The following RASA4B variants were observed in gnomAD, a reference collection of about 807,000 sequenced individuals.
RASA4B encodes RAS p21 protein activator 4B.
A neutral mutation model predicts 24.2 loss-of-function variants in RASA4B; 2 were observed. That is an observed-to-expected ratio of 0.08 (90% confidence interval 0.03 to 0.26). The LOEUF (loss-of-function observed/expected upper bound fraction) is 0.26, where lower values mean the gene tolerates loss of function less well. Among genes scored for constraint, RASA4B ranks in the 10% least tolerant of loss-of-function variants. RASA4B has a pLI of 1.00. For missense variants in RASA4B, 8 were observed against 277.2 expected (o/e 0.03, Z 6.90); for synonymous variants, 2 against 125.6 (o/e 0.02, Z 6.58).
intron 17 of RASA4B, among the ~76,000 whole-genome samples, chr7:102,489,596 G>A (rs1303977852): frequency 1.4e-5 from 2 of 147,624 alleles, no homozygotes; most frequent in African/African-American, 2.5e-5. Flanking sequence ...AGGTTCAAGC[G>A]ATTCTCCTGC....
At chr7:102,490,696 C>T (rs1326241258) in intron 17 of RASA4B, among the ~76,000 whole-genome samples, 1 of 152,118 alleles carries the variant, frequency 6.6e-6, no homozygotes, top group African/African-American at 2.4e-5. Flanking sequence ...ACTCTTTTCT[C>T]ATCCAGTCCA....
chr7:102,505,674 TG>T (rs1799470053), intron 5 of RASA4B, among the ~76,000 whole-genome samples: 1 of 61,586 alleles, frequency 1.6e-5, no homozygotes, highest in African/African-American at 1.3e-4. Flanking sequence ...CCCTCAAGGG[TG>T]GGGGGAACAC....
chr7:102,489,792 T>G (rs2008963), intron 17 of RASA4B, among the ~76,000 whole-genome samples: 282 of 44,472 alleles, frequency 6.3e-3, no homozygotes, highest in South Asian at 0.013. Context: ...TTTTTTTTTT[T>G]TTTTTTTTTT....
At chr7:102,504,283 A>AT (rs1799420523) in intron 5 of RASA4B, among the ~76,000 whole-genome samples, 2 of 150,088 alleles carry the variant, frequency 1.3e-5, no homozygotes, top group Admixed American at 1.3e-4. Flanking sequence ...TAATTTTTAA[A>AT]TTTTTTTGTA....
chr7:102,512,707 G>A (rs1294331101), intron 1 of RASA4B, among the ~76,000 whole-genome samples: 1 of 138,108 alleles, frequency 7.2e-6, no homozygotes, highest in African/African-American at 2.6e-5. Context: ...GACTGAGGGG[G>A]TGAGAGAGGG....
At chr7:102,504,765 C>G (rs571509201) in intron 5 of RASA4B, among the ~76,000 whole-genome samples, 6 of 144,458 alleles carry the variant, frequency 4.2e-5, no homozygotes, top group Admixed American at 3.5e-4. Context: ...TTTGGGAGGC[C>G]GAGGCAGGCA....
At chr7:102,498,195 G>A (rs1340620054) in intron 8 of RASA4B, among the ~76,000 whole-genome samples, 9 of 144,966 alleles carry the variant, frequency 6.2e-5, no homozygotes, top group East Asian at 2.1e-4. Context: ...CACCATACCC[G>A]GCCTAAATTT....
In RASA4B at chr7:102,480,119, G is replaced by C. The variant is rs992820689; in HGVS notation, c.*3473C>G. Among the ~76,000 whole-genome samples the C allele has an allele frequency of 6.6e-6, 1 of 152,102 alleles. No individual in the cohort carries two copies. The highest frequency in any genetic ancestry group is 2.4e-5 in the African/African-American group (1 of 41,446). ...GACAAGAGTGCGAGCTTTCTGTTAT[G>C]CCCGGACAGGGCCACCAGAGGGCTC... is the stretch of plus-strand genomic sequence containing the variant. On this transcript the variant is annotated 3_prime_UTR_variant, in exon 21 of 21. Transcript: ENST00000465829.
At chr7:102,489,642 A>AGTGTG (rs1798841446) in intron 17 of RASA4B, among the ~76,000 whole-genome samples, 2 of 143,256 alleles carry the variant, frequency 1.4e-5, no homozygotes, top group East Asian at 4.4e-4. Context: ...ACAGGCACCC[A>AGTGTG]CCACCACACC....
At position 102,499,193 on chromosome 7, in the gene RASA4B, A is replaced by AATATATAT. The variant is rs772277888; in HGVS notation, c.737+1498_737+1505dup. 4.7e-4 allele frequency among the ~76,000 whole-genome samples: 47 copies of AATATATAT among 100,572 alleles called. 1 individual carries two copies. Among genetic ancestry groups the AATATATAT allele is most frequent in the South Asian group, 1.5e-3 (5 of 3,426 alleles). 66.0% of individuals were successfully genotyped at this position (100,572 alleles called of 152,430 possible). ...AGAGTGAGATTCTGCTCAAAAAAAA[A>AATATATAT]ATATATATATATATATATTCACTTT... On this transcript the variant is annotated intron_variant, in intron 8 of 20. Transcript: ENST00000465829.
chr7:102,492,658 T>G (rs978520822), intron 16 of RASA4B, among the ~76,000 whole-genome samples: 1 of 142,590 alleles, frequency 7.0e-6, no homozygotes, highest in African/African-American at 2.5e-5. Flanking sequence ...ATCAACTTCC[T>G]CCATATTCAT....
intron 16 of RASA4B, among the ~76,000 whole-genome samples, chr7:102,491,490 G>A (rs1252498614): frequency 3.4e-4 from 18 of 52,578 alleles, no homozygotes; most frequent in Admixed American, 6.5e-4. Flanking sequence ...TATCCTGACC[G>A]GGCGCAGTGG....
intron 5 of RASA4B, among the ~76,000 whole-genome samples, 196 bp downstream of exon 5, chr7:102,506,499 G>A (rs1459270144): frequency 2.0e-5 from 3 of 149,480 alleles, no homozygotes; most frequent in Admixed American, 6.7e-5. Flanking sequence ...CACCTGCCTC[G>A]GCCTCCCAAA....
chr7:102,488,897 G>C, intron 17 of RASA4B, among the ~76,000 whole-genome samples: 1 of 152,312 alleles, frequency 6.6e-6, no homozygotes, highest in Non-Finnish European at 1.5e-5. Context: ...CATTGGCCAG[G>C]CTGTTCTCAA....
chr7:102,506,231 C>T (rs1261076823), intron 5 of RASA4B, among the ~76,000 whole-genome samples: 1 of 152,238 alleles, frequency 6.6e-6, no homozygotes, highest in African/African-American at 2.4e-5. Context: ...AGAAAACCTC[C>T]CCAGACCCTC....
chr7:102,494,769 G>T, intron 13 of RASA4B, 94 bp from the exon 14 acceptor site: 1 of 145,858 alleles, frequency 6.9e-6, no homozygotes, highest in Middle Eastern at 1.9e-3. Context: ...CCCTCGCTGG[G>T]ACACAGCCTC....
intron 5 of RASA4B, among the ~76,000 whole-genome samples, chr7:102,504,702 A>C (rs1205874967): frequency 0.011 from 19 of 1,790 alleles, no homozygotes; most frequent in Non-Finnish European, 0.019. Context: ...AAAACCCACC[A>C]AAAAAAAAAA....
chr7:102,487,906 G>A (rs1798767808), intron 18 of RASA4B: 2 of 934 alleles, frequency 2.1e-3, no homozygotes, highest in African/African-American at 0.036. Context: ...CTGGATGATA[G>A]AGCGAGACTC....
rs1329176165 is a variant in RASA4B at position 102,481,095 on chromosome 7, A to G, written c.*2497T>C. On this transcript the variant is annotated 3_prime_UTR_variant, in exon 21 of 21. Coordinates refer to ENST00000465829, the MANE Select transcript of RASA4B (RefSeq NM_001367767.2). ...CTTTTTATTGTAGTAAAATAGGTAT[A>G]ACATACAATTTGCCATTTTAACCAT... Among the ~76,000 whole-genome samples, 1 of 99,942 alleles carries G rather than the reference A, an allele frequency of 1.0e-5. No individual in the cohort carries two copies. The highest frequency in any genetic ancestry group is 2.9e-5 in the African/African-American group (1 of 34,440). 65.6% of individuals were successfully genotyped at this position (99,942 alleles called of 152,430 possible).
Sources: allele counts gnomAD v4.1 joint callset (sites outside exome capture counted in the v4.1 genomes callset), GRCh38; gene constraint gnomAD v4.1.1; transcripts MANE v1.5; gene names NCBI Gene and HGNC (gene_info 2026-07-23, HGNC 2026-07-21).